SPAST: variants seen among roughly 807,000 people sequenced by gnomAD.
The protein encoded by SPAST is spastic paraplegia 4 (autosomal dominant; spastin).
In SPAST, 30 loss-of-function variants were observed where a neutral mutation model predicts 76.6. The observed-to-expected ratio is 0.39, with a 90% CI of 0.29 to 0.53. The LOEUF (loss-of-function observed/expected upper bound fraction) is 0.53. SPAST is among the 20% of genes least tolerant of loss of function. The pLI, the probability that SPAST is intolerant of heterozygous loss-of-function variation, is 0.68. For synonymous variants in SPAST, 305 were observed against 281.0 expected (o/e 1.09, Z -0.86); for missense variants, 717 against 770.5 (o/e 0.93, Z 0.82).
intron 3 of SPAST, among the ~76,000 whole-genome samples, chr2:32,095,918 T>C (rs561125241): frequency 6.6e-6 from 1 of 152,142 alleles, no homozygotes; most frequent in Admixed American, 6.5e-5. Context: ...TGGTTTGTCA[T>C]AGGAAGGAGC....
chr2:32,094,933 C>T (rs2148714540), intron 3 of SPAST, among the ~76,000 whole-genome samples: 1 of 152,338 alleles, frequency 6.6e-6, no homozygotes, highest in East Asian at 1.9e-4. Flanking sequence ...TGCGCCACTG[C>T]CCTCCAGCCT....
At chr2:32,093,026 G>A (rs996900770) in intron 3 of SPAST, among the ~76,000 whole-genome samples, 5 of 148,532 alleles carry the variant, frequency 3.4e-5, no homozygotes, top group Non-Finnish European at 7.4e-5. Context: ...AAAACGCCGG[G>A]CACTGTGGCT....
At position 32,063,561 on chromosome 2, in the gene SPAST, C is replaced by T. The variant is rs1304370107; in HGVS notation, c.-271C>T. 3 of 497,716 alleles carry T rather than the reference C, an allele frequency of 6.0e-6. No individual in the cohort carries two copies. The highest frequency in any genetic ancestry group is 3.9e-5 in the Admixed American group (1 of 25,436). The allele number at this position is 497,716 out of a possible 1,614,324, so 30.8% of individuals were successfully genotyped here. On this transcript the variant is annotated 5_prime_UTR_variant, in exon 1 of 17. Transcript: ENST00000315285. Reference sequence around the variant, plus strand: ...ACGGGAAGACGTGCGCGTGCGCGGCCGCCGCTGGGAGCCACCAGGCGGCGG... The same window carrying T: ...ACGGGAAGACGTGCGCGTGCGCGGCTGCCGCTGGGAGCCACCAGGCGGCGG...
intron 5 of SPAST, among the ~76,000 whole-genome samples, chr2:32,115,094 A>T (rs768972257): frequency 6.6e-6 from 1 of 151,606 alleles, no homozygotes; most frequent in Non-Finnish European, 1.5e-5. Context: ...GATTACAGGC[A>T]TGCACCACCA....
intron 4 of SPAST, among the ~76,000 whole-genome samples, chr2:32,111,268 A>C (rs1678583528): frequency 2.0e-5 from 2 of 100,226 alleles, no homozygotes; most frequent in African/African-American, 7.0e-5. Flanking sequence ...TATAGCGTAT[A>C]TATACAGTAT....
intron 16 of SPAST, among the ~76,000 whole-genome samples, chr2:32,152,172 T>C (rs927009681): frequency 1.3e-5 from 2 of 152,232 alleles, no homozygotes; most frequent in Admixed American, 1.3e-4. Flanking sequence ...CTTTTTCCTG[T>C]TGTATACATT....
At chr2:32,070,723 A>G (rs1676715491) in intron 1 of SPAST, among the ~76,000 whole-genome samples, 2 of 152,070 alleles carry the variant, frequency 1.3e-5, no homozygotes, top group Non-Finnish European at 2.9e-5. Context: ...TCAGCCTCGC[A>G]GGCTCAATCG....
At chr2:32,070,657 C>T (rs1676712277) in intron 1 of SPAST, among the ~76,000 whole-genome samples, 1 of 152,050 alleles carries the variant, frequency 6.6e-6, no homozygotes. Context: ...TGAGACAGGG[C>T]CTTGGTCTGT....
intron 4 of SPAST, among the ~76,000 whole-genome samples, chr2:32,105,727 T>C (rs574643258): frequency 1.3e-4 from 20 of 152,178 alleles, no homozygotes; most frequent in Admixed American, 6.5e-5. Flanking sequence ...GGAGGTCCAC[T>C]CCAGACCCTG....
chr2:32,069,041 C>T (rs920091755), intron 1 of SPAST, among the ~76,000 whole-genome samples: 10 of 151,960 alleles, frequency 6.6e-5, no homozygotes, highest in African/African-American at 2.4e-4. Flanking sequence ...AGTGAAACCC[C>T]GTCTCTACTA....
intron 1 of SPAST, among the ~76,000 whole-genome samples, chr2:32,078,830 AT>A (rs1427679253): frequency 5.3e-5 from 8 of 152,136 alleles, no homozygotes; most frequent in African/African-American, 1.2e-4. Context: ...ATATTTTGGA[AT>A]TTTTTTCATT....
intron 1 of SPAST, among the ~76,000 whole-genome samples, chr2:32,072,646 T>G (rs1428205561): frequency 6.6e-6 from 1 of 152,170 alleles, no homozygotes; most frequent in African/African-American, 2.4e-5. Flanking sequence ...TTATAAAAAG[T>G]TAATGAAAAT....
At chr2:32,075,894 C>CTTTTTTTTTT (rs1286144548) in intron 1 of SPAST, among the ~76,000 whole-genome samples, 1 of 87,194 alleles carries the variant, frequency 1.1e-5, no homozygotes, top group Non-Finnish European at 2.1e-5. Context: ...ATTCAAAATG[C>CTTTTTTTTTT]TCTTTTTTTT....
chr2:32,065,359 A>G (rs968861526), intron 1 of SPAST, among the ~76,000 whole-genome samples: 1 of 152,108 alleles, frequency 6.6e-6, no homozygotes, highest in African/African-American at 2.4e-5. Flanking sequence ...GCATTGTGCT[A>G]TTAGCTTTGC....
intron 7 of SPAST, among the ~76,000 whole-genome samples, chr2:32,126,291 A>G (rs752437847): frequency 5.3e-5 from 8 of 151,930 alleles, no homozygotes; most frequent in Non-Finnish European, 1.2e-4. Context: ...TCAGTTCTCC[A>G]TTTTGTGGAA....
In SPAST at chr2:32,146,254, G is replaced by A. The variant is rs552784071; in HGVS notation, c.1688-964G>A. On this transcript the variant is annotated intron_variant, in intron 15 of 16. Transcript: ENST00000315285. Reference sequence around the variant, plus strand: ...AAAATTTGGGTTTAAAAAAAGATTCGCATCCATTAAAGTACAGAAAATGGC... The same window carrying A: ...AAAATTTGGGTTTAAAAAAAGATTCACATCCATTAAAGTACAGAAAATGGC... 1.8e-4 allele frequency among the ~76,000 whole-genome samples: 28 copies of A among 152,162 alleles called. No individual in the cohort carries two copies. The South Asian group carries it at 4.6e-3, about 25-fold the overall frequency.
chr2:32,077,254 A>G (rs1676999652), intron 1 of SPAST, among the ~76,000 whole-genome samples: 1 of 152,120 alleles, frequency 6.6e-6, no homozygotes, highest in African/African-American at 2.4e-5. Flanking sequence ...AGGAAAATGG[A>G]TATATTTGTT....
At chr2:32,110,761 A>ACATAGTATACTATATATAG (rs1678548267) in intron 4 of SPAST, among the ~76,000 whole-genome samples, 1 of 134,018 alleles carries the variant, frequency 7.5e-6, no homozygotes, top group African/African-American at 2.9e-5. Flanking sequence ...AGTATAGTAT[A>ACATAGTATACTATATATAG]TATAGTATAC....
chr2:32,126,689 G>T, intron 7 of SPAST: 2 of 312,020 alleles, frequency 6.4e-6, no homozygotes, highest in Non-Finnish European at 1.2e-5. Context: ...GTTCCCCTAT[G>T]TTGCCCAAGC....
Sources: allele counts gnomAD v4.1 joint callset (sites outside exome capture counted in the v4.1 genomes callset), GRCh38; gene constraint gnomAD v4.1.1; transcripts MANE v1.5; gene names NCBI Gene and HGNC (gene_info 2026-07-23, HGNC 2026-07-21).